The following GPC6 variants were observed in gnomAD, a reference collection of about 807,000 sequenced individuals.
GPC6 encodes glypican 6.
In GPC6, 14 loss-of-function variants were observed where a neutral mutation model predicts 55.2. The observed-to-expected ratio is 0.25, with a 90% CI of 0.17 to 0.40. The LOEUF is 0.40. GPC6 is among the 10% of genes least tolerant of loss of function. The pLI, the probability that GPC6 is intolerant of heterozygous loss-of-function variation, is 1.00. For missense variants in GPC6, 641 were observed against 708.5 expected (o/e 0.90, Z 1.08); for synonymous variants, 278 against 259.6 (o/e 1.07, Z -0.68).
At chr13:94,254,877 G>A (rs1468254915) in intron 4 of GPC6, among the ~76,000 whole-genome samples, 1 of 152,022 alleles carries the variant, frequency 6.6e-6, no homozygotes, top group Non-Finnish European at 1.5e-5. Flanking sequence ...TGCAACATAA[G>A]CTTACCCTGA....
intron 6 of GPC6, among the ~76,000 whole-genome samples, chr13:94,329,373 G>A (rs1360221231): frequency 2.0e-5 from 3 of 152,144 alleles, no homozygotes; most frequent in Admixed American, 6.5e-5. Context: ...CTTCCACCTC[G>A]AAGGATGTCG....
chr13:94,222,375 G>A (rs1202399210), intron 4 of GPC6, among the ~76,000 whole-genome samples: 1 of 152,100 alleles, frequency 6.6e-6, no homozygotes, highest in African/African-American at 2.4e-5. Context: ...AAGATCCAAG[G>A]ATTTGATGTA....
intron 3 of GPC6, among the ~76,000 whole-genome samples, chr13:93,939,251 T>G (rs1369586493): frequency 6.6e-6 from 1 of 151,312 alleles, no homozygotes; most frequent in Non-Finnish European, 1.5e-5. Flanking sequence ...GAGAAATTCT[T>G]CTTTAATGTT....
chr13:93,567,016 A>G (rs551896454), intron 2 of GPC6, among the ~76,000 whole-genome samples: 16 of 152,264 alleles, frequency 1.1e-4, no homozygotes, highest in East Asian at 1.9e-4. Context: ...ACAGTGCTGT[A>G]ATAACCATAC....
chr13:94,280,506 G>C (rs1018411906), intron 4 of GPC6, among the ~76,000 whole-genome samples: 4 of 152,146 alleles, frequency 2.6e-5, no homozygotes, highest in African/African-American at 9.7e-5. Context: ...TGTATATTCA[G>C]CGTGCCTGTC....
rs61061006 is a variant in GPC6 at position 94,091,908 on chromosome 13, TTGTGTG to T, written c.877+64034_877+64039del. Among the ~76,000 whole-genome samples the T allele has an allele frequency of 2.2e-3, 322 of 148,502 alleles. 3 individuals are homozygous for T. The highest frequency in any genetic ancestry group is 3.7e-3 in the Non-Finnish European group (250 of 67,300). The stretch of plus-strand genomic sequence containing the variant: ...GAGATCAAATTCTGTGTGTGTGTGT[TTGTGTG>T]TGTGTGTGTGTGTGTGTGTATTTTA... On this transcript the variant is annotated intron_variant, in intron 4 of 8. Coordinates refer to ENST00000377047, the MANE Select transcript of GPC6 (RefSeq NM_005708.5).
At chr13:93,571,515 A>C (rs1876403668) in intron 2 of GPC6, among the ~76,000 whole-genome samples, 1 of 152,168 alleles carries the variant, frequency 6.6e-6, no homozygotes, top group Admixed American at 6.5e-5. Flanking sequence ...AAATCCATTT[A>C]CTTTACAATG....
rs768893805 is a variant in GPC6 at position 93,672,215 on chromosome 13, A to ATG, written c.319+126810_319+126811dup. ...TTAATGACTGTGTGTGTGTGTGTATATGTGTGTGTGTGTGTGTATATATGT... is the reference window on the plus strand; with the variant it reads ...TTAATGACTGTGTGTGTGTGTGTATATGTGTGTGTGTGTGTGTGTATATATGT... On this transcript the variant is annotated intron_variant, in intron 2 of 8. Coordinates refer to ENST00000377047, the MANE Select transcript of GPC6 (RefSeq NM_005708.5). Among the ~76,000 whole-genome samples, 411 of 142,548 alleles carry ATG rather than the reference A, an allele frequency of 2.9e-3. 2 individuals are homozygous for ATG. Among genetic ancestry groups the ATG allele is most frequent in the African/African-American group, 7.0e-3 (269 of 38,690 alleles). The allele number at this position is 142,548 out of a possible 152,430, so 93.5% of individuals were successfully genotyped here.
chr13:93,336,157 A>C (rs972984255), intron 1 of GPC6, among the ~76,000 whole-genome samples: 1 of 152,216 alleles, frequency 6.6e-6, no homozygotes, highest in Admixed American at 6.6e-5. Context: ...CTTGTTCTGC[A>C]CTTGGAATTT....
chr13:93,907,438 T>C (rs1381411251), intron 3 of GPC6, among the ~76,000 whole-genome samples: 1 of 152,184 alleles, frequency 6.6e-6, no homozygotes, highest in Non-Finnish European at 1.5e-5. Flanking sequence ...CTTCTTGTTA[T>C]TTTATTTTTA....
intron 4 of GPC6, among the ~76,000 whole-genome samples, chr13:94,057,112 G>A (rs1884158317): frequency 2.0e-5 from 3 of 152,120 alleles, no homozygotes; most frequent in South Asian, 4.1e-4. Flanking sequence ...CAGAATGTGT[G>A]TTTGCCATTT....
intron 3 of GPC6, among the ~76,000 whole-genome samples, chr13:93,832,179 A>G (rs1429663295): frequency 3.0e-5 from 4 of 132,978 alleles, no homozygotes; most frequent in Admixed American, 1.6e-4. Flanking sequence ...AATGTTTTAG[A>G]TACCAAAGAA....
intron 2 of GPC6, among the ~76,000 whole-genome samples, chr13:93,782,254 G>A (rs1205397589): frequency 6.6e-6 from 1 of 151,992 alleles, no homozygotes; most frequent in African/African-American, 2.4e-5. Context: ...ACCCATAAAT[G>A]ACAGCATTTT....
chr13:94,240,986 G>T (rs1399639117), intron 4 of GPC6, among the ~76,000 whole-genome samples: 1 of 152,186 alleles, frequency 6.6e-6, no homozygotes, highest in Non-Finnish European at 1.5e-5. Flanking sequence ...TACTTGAGCT[G>T]CATGTTTGTG....
At chr13:94,204,994 C>T (rs1231554002) in intron 4 of GPC6, among the ~76,000 whole-genome samples, 1 of 152,080 alleles carries the variant, frequency 6.6e-6, no homozygotes, top group Non-Finnish European at 1.5e-5. Context: ...ATATTCTTAA[C>T]CCTGGATCAA....
At chr13:93,667,215 G>A (rs1011205939) in intron 2 of GPC6, among the ~76,000 whole-genome samples, 6 of 151,996 alleles carry the variant, frequency 3.9e-5, no homozygotes, top group African/African-American at 1.4e-4. Flanking sequence ...TTTCTTTGAG[G>A]ATTATTGACA....
the GPC6 span, among the ~76,000 whole-genome samples, chr13:93,218,000 T>C: frequency 7.2e-5 from 11 of 152,106 alleles, no homozygotes; most frequent in Admixed American, 7.2e-4. Flanking sequence ...CAAATGAACA[T>C]CAGGAGAAAT....
intron 1 of GPC6, among the ~76,000 whole-genome samples, chr13:93,495,789 G>A (rs905042594): frequency 9.0e-5 from 13 of 144,652 alleles, no homozygotes; most frequent in African/African-American, 3.1e-4. Context: ...TGCCGTGTGA[G>A]GTGTCAGTGT....
In GPC6 at chr13:93,542,839, G is replaced by C. The variant is rs905405011; in HGVS notation, c.161-2424G>C. On this transcript the variant is annotated intron_variant, in intron 1 of 8. Coordinates refer to ENST00000377047, the MANE Select transcript of GPC6 (RefSeq NM_005708.5). Reference sequence around the variant, plus strand: ...GGCTCTCTGTTTGTCTGTTATTGGTGTATAAGAATGCTTGTGATTTTTGTA... The same window carrying C: ...GGCTCTCTGTTTGTCTGTTATTGGTCTATAAGAATGCTTGTGATTTTTGTA... Among the ~76,000 whole-genome samples, 276 of 152,196 alleles carry C rather than the reference G, an allele frequency of 1.8e-3. 1 individual carries two copies. The highest frequency in any genetic ancestry group is 6.4e-3 in the African/African-American group (265 of 41,540).
Sources: allele counts gnomAD v4.1 joint callset (sites outside exome capture counted in the v4.1 genomes callset), GRCh38; gene constraint gnomAD v4.1.1; transcripts MANE v1.5; gene names NCBI Gene and HGNC (gene_info 2026-07-23, HGNC 2026-07-21).